Variants in NLGN4X observed in about 807,000 individuals in gnomAD.
The protein encoded by NLGN4X is neuroligin 4 X-linked, also known as neuroligin-4, X-linked.
NLGN4X carries 3 observed loss-of-function variants against 40.3 expected under a neutral mutation model. The ratio of observed to expected loss-of-function variants is 0.07; its 90% CI spans 0.03 to 0.19. NLGN4X has a LOEUF of 0.19. NLGN4X is among the 10% of genes least tolerant of loss of function. NLGN4X has a pLI of 1.00. For synonymous variants in NLGN4X, 270 were observed against 306.8 expected (o/e 0.88, Z 1.25); for missense variants, 382 against 708.3 (o/e 0.54, Z 5.23).
At chrX:6,219,746 G>A (rs1925488912) in intron 1 of NLGN4X, among the ~76,000 whole-genome samples, 1 of 110,261 alleles carries the variant, frequency 9.1e-6, no homozygotes, top group Non-Finnish European at 1.9e-5. Context: ...GTATTAAAGA[G>A]AAAATGAAGA....
In NLGN4X at chrX:5,891,746, A is replaced by ATC; in HGVS notation, c.*1070_*1071insGA. 1 of 171,096 alleles carries ATC rather than the reference A, an allele frequency of 5.8e-6. No individual in the cohort carries two copies. The highest frequency in any genetic ancestry group is 1.1e-4 in the South Asian group (1 of 9,295). The allele number at this position is 171,096 out of a possible 1,213,427, so 14.1% of individuals were successfully genotyped here. On this transcript the variant is annotated 3_prime_UTR_variant, in exon 6 of 6. Transcript: ENST00000381095. ...ATGTCTCTAATTTAACAAGCTGTAAATACACTCCACTTTGGGGACCCATCT... is the reference window on the plus strand; with the variant it reads ...ATGTCTCTAATTTAACAAGCTGTAAATCTACACTCCACTTTGGGGACCCATCT...
intron 2 of NLGN4X, among the ~76,000 whole-genome samples, chrX:6,087,026 T>G (rs1368575453): frequency 8.9e-6 from 1 of 112,003 alleles, no homozygotes; most frequent in Non-Finnish European, 1.9e-5. Flanking sequence ...CTCTATCACA[T>G]GAAATCATCT....
chrX:6,007,575 T>C (rs2036135582), intron 3 of NLGN4X, among the ~76,000 whole-genome samples: 2 of 112,422 alleles, frequency 1.8e-5, no homozygotes, highest in African/African-American at 6.5e-5. Flanking sequence ...AAAACACGTA[T>C]TTTGTTAGTA....
chrX:5,926,789 T>TACACGCATAC (rs1555921498), intron 3 of NLGN4X, among the ~76,000 whole-genome samples: 1 of 93,055 alleles, frequency 1.1e-5, no homozygotes, highest in African/African-American at 3.9e-5. Flanking sequence ...CTAGAGAGCA[T>TACACGCATAC]ACACACACAC....
At chrX:6,216,959 T>C (rs920904077) in intron 1 of NLGN4X, among the ~76,000 whole-genome samples, 4 of 111,506 alleles carry the variant, frequency 3.6e-5, no homozygotes, top group African/African-American at 6.5e-5. Context: ...CTGACTTATT[T>C]TTAAATTTTT....
At chrX:6,195,640 C>T (rs1017168342) in intron 1 of NLGN4X, among the ~76,000 whole-genome samples, 1 of 111,793 alleles carries the variant, frequency 8.9e-6, no homozygotes, top group African/African-American at 3.3e-5. Flanking sequence ...CTTGATCATA[C>T]CTTTGTTCAC....
intron 3 of NLGN4X, among the ~76,000 whole-genome samples, chrX:5,925,893 T>TACACAC (rs1239570453): frequency 7.1e-5 from 1 of 14,150 alleles, no homozygotes; most frequent in Non-Finnish European, 1.1e-4. Flanking sequence ...TATATATATA[T>TACACAC]ATATATATAT....
At chrX:6,064,649 C>T (rs1413643080) in intron 2 of NLGN4X, among the ~76,000 whole-genome samples, 1 of 110,822 alleles carries the variant, frequency 9.0e-6, no homozygotes, top group Non-Finnish European at 1.9e-5. Flanking sequence ...GCAAATGAGG[C>T]AAGTGCAGCG....
In NLGN4X at chrX:6,095,102, CGTGTGTGTGTGTGTGTGT is replaced by C. The variant is rs56285921; in HGVS notation, c.472+55875_472+55892del. 5.3e-3 allele frequency among the ~76,000 whole-genome samples: 466 copies of C among 88,345 alleles called. 4 individuals carry two copies. Among genetic ancestry groups the C allele is most frequent in the African/African-American group, 0.017 (413 of 24,194 alleles). The allele number at this position is 88,345 out of a possible 115,157, so 76.7% of individuals were successfully genotyped here. A position where few individuals can be genotyped will look rare whatever the true frequency, so the allele number is the denominator to read the frequency against. ...GGCTAAGGCTTTAAGTACGTGCGTG[CGTGTGTGTGTGTGTGTGT>C]GTGTGTGTGTGTGTGTGTGTGTGTG... On this transcript the variant is annotated intron_variant, in intron 2 of 5. Transcript: ENST00000381095.
At chrX:6,070,318 C>T (rs188075009) in intron 2 of NLGN4X, among the ~76,000 whole-genome samples, 1 of 111,766 alleles carries the variant, frequency 8.9e-6, no homozygotes, top group African/African-American at 3.2e-5. Flanking sequence ...TATAACACTT[C>T]AAAAAAGCAG....
intron 1 of NLGN4X, among the ~76,000 whole-genome samples, chrX:6,176,128 T>C (rs2040729622): frequency 9.0e-6 from 1 of 111,323 alleles, no homozygotes; most frequent in African/African-American, 3.3e-5. Context: ...GGTAAGAATT[T>C]CTCACCAGCC....
intron 3 of NLGN4X, among the ~76,000 whole-genome samples, chrX:6,026,257 TAAAAC>T (rs941114011): frequency 2.7e-5 from 3 of 111,189 alleles, no homozygotes; most frequent in African/African-American, 9.8e-5. Context: ...AAAAAAATCT[TAAAAC>T]AATATTTTTC....
At chrX:6,084,909 T>C (rs138544821) in intron 2 of NLGN4X, among the ~76,000 whole-genome samples, 270 of 110,465 alleles carry the variant, frequency 2.4e-3, no homozygotes, top group African/African-American at 8.3e-3. Flanking sequence ...CAGTTTCAGG[T>C]ATTCTGTTAT....
chrX:5,908,976 C>A, intron 4 of NLGN4X, 78 bp downstream of exon 4: 1 of 1,079,564 alleles, frequency 9.3e-7, no homozygotes, highest in Non-Finnish European at 1.3e-6. Flanking sequence ...CCAGGACATG[C>A]ATCTGAGATA....
chrX:6,158,764 C>A (rs1297340760), intron 1 of NLGN4X, among the ~76,000 whole-genome samples: 1 of 111,908 alleles, frequency 8.9e-6, no homozygotes, highest in Non-Finnish European at 1.9e-5. Context: ...AGCCCAGCAT[C>A]TATTAGCTAG....
At chrX:5,913,877 G>A (rs2032637605) in intron 3 of NLGN4X, among the ~76,000 whole-genome samples, 1 of 111,646 alleles carries the variant, frequency 9.0e-6, no homozygotes, top group African/African-American at 3.3e-5. Flanking sequence ...TCTCATGATA[G>A]TGAATAAGTG....
intron 3 of NLGN4X, among the ~76,000 whole-genome samples, chrX:5,951,029 T>C (rs373617894): frequency 8.9e-6 from 1 of 112,244 alleles, no homozygotes; most frequent in Non-Finnish European, 1.9e-5. Flanking sequence ...TCATCTTCAA[T>C]AATTAACATT....
At position 6,091,041 on chromosome X, in the gene NLGN4X, G is replaced by GAAGC. The variant is rs756854727; in HGVS notation, c.472+59953_472+59954insGCTT. On this transcript the variant is annotated intron_variant, in intron 2 of 5. Coordinates refer to ENST00000381095, the MANE Select transcript of NLGN4X (RefSeq NM_181332.3). ...GTAGAAAGGAAGGAAGGAAAAAATGGAAGGAAGGAAGGGAGGGAGGGAGGG... is the reference window on the plus strand; with the variant it reads ...GTAGAAAGGAAGGAAGGAAAAAATGGAAGCAAGGAAGGAAGGGAGGGAGGGAGGG... 4.5e-3 allele frequency among the ~76,000 whole-genome samples: 382 copies of GAAGC among 85,732 alleles called. 4 individuals are homozygous for GAAGC. Among genetic ancestry groups the GAAGC allele is most frequent in the African/African-American group, 0.015 (364 of 23,880 alleles). The allele number at this position is 85,732 out of a possible 115,157, so 74.4% of individuals were successfully genotyped here.
At chrX:5,959,733 G>A (rs2034599087) in intron 3 of NLGN4X, among the ~76,000 whole-genome samples, 1 of 111,756 alleles carries the variant, frequency 8.9e-6, no homozygotes, top group Non-Finnish European at 1.9e-5. Flanking sequence ...GGGCAAACCT[G>A]TCAGTTCTTG....
Sources: gnomAD v4.1 joint callset for allele counts (sites outside exome capture counted in the v4.1 genomes callset) on GRCh38, gnomAD v4.1.1 for gene constraint, MANE v1.5 for transcripts, NCBI Gene and HGNC (gene_info 2026-07-23, HGNC 2026-07-21) for gene names.